The following ADAM12 variants were observed in gnomAD, a reference collection of about 807,000 sequenced individuals.
ADAM12 encodes the protein disintegrin and metalloproteinase domain-containing protein 12.
In ADAM12, 70 loss-of-function variants were observed where a neutral mutation model predicts 106.4. The observed-to-expected ratio is 0.66, with a 90% CI of 0.54 to 0.80. ADAM12 has a LOEUF of 0.80. ADAM12 is among the 30% of genes least tolerant of loss of function. ADAM12 has a pLI of 0.00. For synonymous variants in ADAM12, 420 were observed against 433.5 expected, an observed-to-expected ratio of 0.97 and a Z score of 0.39; for missense variants, 1,010 against 1,171.9, an observed-to-expected ratio of 0.86 and a Z score of 2.02.
chr10:126,338,155 C>G (rs918918681), intron 1 of ADAM12, among the ~76,000 whole-genome samples: 2 of 151,854 alleles, frequency 1.3e-5, no homozygotes, highest in Non-Finnish European at 2.9e-5. Flanking sequence ...ACCCCAAGCA[C>G]GAGCTGTCTC....
intron 17 of ADAM12, among the ~76,000 whole-genome samples, chr10:126,044,513 G>C (rs887790694): frequency 2.6e-5 from 4 of 152,124 alleles, no homozygotes; most frequent in Non-Finnish European, 4.4e-5. Flanking sequence ...ATTTTTGGGT[G>C]GTTTATATCA....
At chr10:126,207,582 A>C (rs561217199) in intron 3 of ADAM12, among the ~76,000 whole-genome samples, 36 of 152,352 alleles carry the variant, frequency 2.4e-4, no homozygotes, top group African/African-American at 8.7e-4. Flanking sequence ...GTTACTAATA[A>C]GCTCAATATA....
At chr10:126,161,287 T>C (rs113727559) in intron 3 of ADAM12, among the ~76,000 whole-genome samples, 1,591 of 152,266 alleles carry the variant, frequency 0.01, 25 homozygotes, top group African/African-American at 0.036. Context: ...ATTTAATCCA[T>C]ATATTATCTG....
At chr10:126,222,160 A>C (rs1958107263) in intron 3 of ADAM12, among the ~76,000 whole-genome samples, 1 of 152,158 alleles carries the variant, frequency 6.6e-6, no homozygotes, top group African/African-American at 2.4e-5. Flanking sequence ...AGTTACAGGG[A>C]CTGCTCATAG....
At position 126,387,895 on chromosome 10, in the gene ADAM12, G is replaced by C. The variant is rs1363343197; in HGVS notation, c.88+163C>G. Among the ~76,000 whole-genome samples the C allele has an allele frequency of 4.8e-4, 36 of 74,814 alleles. 3 individuals are homozygous for C. In the South Asian group the frequency reaches 7.2e-3, roughly 15 times the overall value. 49.1% of individuals were successfully genotyped at this position (74,814 alleles called of 152,430 possible). A position where few individuals can be genotyped will look rare whatever the true frequency, so the allele number is the denominator to read the frequency against. ...TCCCCAAGGAATTGGCACCTGGGGG[G>C]GGGGGGTCGGTCTCGCCGCGCTGGA... On this transcript the variant is annotated intron_variant, in intron 1 of 22. Coordinates refer to ENST00000448723, the MANE Select transcript of ADAM12 (RefSeq NM_001288973.2).
rs149147745 is a variant in ADAM12, at chr10:126,155,526, T to C, written c.261-221A>G. ...AGTCAGATATGCATCCTCGGAACAA[T>C]AGCCCACACACTCAATGTGGAACCC... On this transcript the variant is annotated intron_variant, in intron 3 of 22. Coordinates refer to ENST00000448723, the MANE Select transcript of ADAM12 (RefSeq NM_001288973.2). Among the ~76,000 whole-genome samples the C allele has an allele frequency of 5.9e-4, 90 of 151,986 alleles. No individual in the cohort carries two copies. The East Asian group carries it at 0.014, about 24-fold the overall frequency.
intron 3 of ADAM12, among the ~76,000 whole-genome samples, chr10:126,166,215 G>T (rs1256049605): frequency 1.3e-5 from 2 of 152,188 alleles, no homozygotes; most frequent in Non-Finnish European, 2.9e-5. Context: ...TTTTGGGACT[G>T]TTCAGATGAG....
At chr10:126,031,716 AATATT>A (rs1953974198) in intron 21 of ADAM12, among the ~76,000 whole-genome samples, 1 of 151,846 alleles carries the variant, frequency 6.6e-6, no homozygotes, top group Non-Finnish European at 1.5e-5. Flanking sequence ...TGTGTTATAA[AATATT>A]ATATGTTGCA....
At chr10:126,149,432 A>G (rs1956689178) in intron 4 of ADAM12, among the ~76,000 whole-genome samples, 1 of 152,174 alleles carries the variant, frequency 6.6e-6, no homozygotes. Flanking sequence ...AAGGGGAAAA[A>G]GTACTGTGAT....
chr10:126,041,884 A>G (rs1954180639), intron 18 of ADAM12: 4 of 1,368,066 alleles, frequency 2.9e-6, no homozygotes, highest in Admixed American at 3.4e-5. Flanking sequence ...TCTCAGGAGC[A>G]GCACTGAAGC....
intron 3 of ADAM12, among the ~76,000 whole-genome samples, chr10:126,229,038 C>T (rs1435894070): frequency 6.6e-6 from 1 of 152,086 alleles, no homozygotes; most frequent in Non-Finnish European, 1.5e-5. Context: ...AGGAAAAGAA[C>T]AAAACAAAAG....
intron 7 of ADAM12, among the ~76,000 whole-genome samples, chr10:126,109,055 C>T (rs1464499039): frequency 6.6e-6 from 1 of 152,176 alleles, no homozygotes; most frequent in African/African-American, 2.4e-5. Flanking sequence ...AAGTAAAAGT[C>T]ATAGAAGCTC....
intron 5 of ADAM12, among the ~76,000 whole-genome samples, chr10:126,124,260 G>A (rs535558551): frequency 1.7e-4 from 26 of 151,434 alleles, no homozygotes; most frequent in South Asian, 1.5e-3. Flanking sequence ...ATCATGTGGT[G>A]GAAAAGCAGT....
intron 2 of ADAM12, among the ~76,000 whole-genome samples, chr10:126,286,856 T>C (rs955304555): frequency 6.6e-6 from 1 of 152,240 alleles, no homozygotes. Flanking sequence ...TAAAATGCTA[T>C]GTACAGGATG....
intron 21 of ADAM12, among the ~76,000 whole-genome samples, chr10:126,025,814 A>G (rs1224966401): frequency 6.6e-6 from 1 of 152,214 alleles, no homozygotes; most frequent in Non-Finnish European, 1.5e-5. Flanking sequence ...CAGAGAAGGT[A>G]AGATACTCCA....
At chr10:126,077,616 CA>C (rs1374869391) in intron 11 of ADAM12, among the ~76,000 whole-genome samples, 3 of 152,062 alleles carry the variant, frequency 2.0e-5, no homozygotes, top group Non-Finnish European at 4.4e-5. Context: ...TAATCTTTGA[CA>C]AAAATTGACA....
At chr10:126,257,946 G>A (rs1029174701) in intron 3 of ADAM12, among the ~76,000 whole-genome samples, 6 of 152,200 alleles carry the variant, frequency 3.9e-5, no homozygotes, top group African/African-American at 1.2e-4. Flanking sequence ...AGTAAGATAG[G>A]TGCCTACTCT....
chr10:126,108,274 A>G (rs1955810873), intron 8 of ADAM12, among the ~76,000 whole-genome samples: 1 of 152,192 alleles, frequency 6.6e-6, no homozygotes, highest in Non-Finnish European at 1.5e-5. Context: ...GAGGAATCCA[A>G]AGGATCAGGT....
chr10:126,365,948 A>G (rs2133911445), intron 1 of ADAM12, among the ~76,000 whole-genome samples: 1 of 152,300 alleles, frequency 6.6e-6, no homozygotes, highest in South Asian at 2.1e-4. Context: ...TTTAGATTCT[A>G]AAGTTTATTT....
Sources: gnomAD v4.1 joint callset for allele counts (sites outside exome capture counted in the v4.1 genomes callset) on GRCh38, gnomAD v4.1.1 for gene constraint, MANE v1.5 for transcripts, NCBI Gene and HGNC (gene_info 2026-07-23, HGNC 2026-07-21) for gene names.